The following EXOC2 variants were observed in gnomAD, a reference collection of about 807,000 sequenced individuals.
The protein encoded by EXOC2 is SEC5-like 1.
Under a neutral mutation model 131.8 loss-of-function variants are expected in EXOC2, and 70 were observed. The ratio of observed to expected loss-of-function variants is 0.53; its 90% CI spans 0.44 to 0.65. EXOC2 has a LOEUF of 0.65. EXOC2 is among the 30% of genes least tolerant of loss of function. The probability of loss-of-function intolerance (pLI) is 0.00; values close to 1 mark genes in which losing one functional copy is unlikely to be tolerated. For missense variants in EXOC2, 923 were observed against 1,108.6 expected, an observed-to-expected ratio of 0.83 and a Z score of 2.38; for synonymous variants, 411 against 398.4, an observed-to-expected ratio of 1.03 and a Z score of -0.38.
In EXOC2 at chr6:633,099, T is replaced by C. The variant is rs777312033; in HGVS notation, c.137A>G (p.His46Arg). The C allele has an allele frequency of 6.8e-6, 11 of 1,613,268 alleles. No homozygotes were observed. The Admixed American group carries it at 8.3e-5, about 12-fold the overall frequency. ...CCATTCTGCCGTCAGGAGGCAATTA[T>C]GTCCACAAATGGTCAAGCCTGAAAA... ...TDLIGLTICGHNCLLTAEWMS... is the reference protein window; with the variant it reads ...TDLIGLTICGRNCLLTAEWMS... Residue 46 changes from histidine to arginine, a missense_variant, in exon 3 of 28, where the codon CAT becomes CGT. His to Arg is a conservative substitution (Grantham distance 29). Coordinates refer to ENST00000230449, the MANE Select transcript of EXOC2 (RefSeq NM_018303.6).
intron 1 of EXOC2, chr6:656,990 G>C: frequency 1.4e-6 from 2 of 1,451,752 alleles, no homozygotes; most frequent in South Asian, 2.8e-5. Flanking sequence ...GGGATTCCGC[G>C]TGCCACAAGC....
intron 7 of EXOC2, among the ~76,000 whole-genome samples, chr6:609,151 T>C (rs1760583906): frequency 1.3e-5 from 2 of 152,210 alleles, no homozygotes; most frequent in African/African-American, 4.8e-5. Flanking sequence ...CTTTTAGGGA[T>C]CACTCAGGTT....
chr6:562,942 T>C, intron 16 of EXOC2, 97 bp from the exon 17 acceptor site: 1 of 843,498 alleles, frequency 1.2e-6, no homozygotes, highest in East Asian at 3.0e-5. Context: ...TTCATTGTTT[T>C]ATATAGGTTT....
chr6:645,639 T>C (rs192494337), intron 1 of EXOC2, among the ~76,000 whole-genome samples: 1 of 152,298 alleles, frequency 6.6e-6, no homozygotes, highest in Non-Finnish European at 1.5e-5. Context: ...TAAAGGCAGA[T>C]ATATGAACTC....
chr6:540,373 A>T (rs1244553881), intron 22 of EXOC2, among the ~76,000 whole-genome samples: 1 of 152,250 alleles, frequency 6.6e-6, no homozygotes, highest in Non-Finnish European at 1.5e-5. Context: ...CTATCTATAC[A>T]GAATAATCGG....
At chr6:549,120 T>C (rs1048513018) in intron 22 of EXOC2, 55 bp downstream of exon 22, 3 of 1,461,854 alleles carry the variant, frequency 2.1e-6, no homozygotes, top group Non-Finnish European at 2.9e-6. Flanking sequence ...GGAAACAGCT[T>C]GAAAACTGAG....
intron 1 of EXOC2, among the ~76,000 whole-genome samples, chr6:651,722 G>C (rs765989338): frequency 3.3e-5 from 5 of 151,540 alleles, no homozygotes; most frequent in African/African-American, 9.7e-5. Context: ...GTGCTCATGA[G>C]GGCAGAAGAT....
intron 1 of EXOC2, among the ~76,000 whole-genome samples, chr6:678,182 C>T (rs986231753): frequency 2.6e-5 from 4 of 152,150 alleles, no homozygotes; most frequent in Non-Finnish European, 4.4e-5. Flanking sequence ...ACACTTTTGC[C>T]AGACAAATCA....
intron 1 of EXOC2, among the ~76,000 whole-genome samples, chr6:682,404 G>C (rs879385479): frequency 4.6e-5 from 7 of 151,976 alleles, no homozygotes; most frequent in Non-Finnish European, 8.8e-5. Flanking sequence ...GTTTCTCTGT[G>C]TTAGCCAGGA....
chr6:651,276 T>C (rs914391926), intron 1 of EXOC2, among the ~76,000 whole-genome samples: 3 of 152,010 alleles, frequency 2.0e-5, no homozygotes, highest in Non-Finnish European at 4.4e-5. Flanking sequence ...CTTGTGATCC[T>C]CCTGCCTCGG....
intron 1 of EXOC2, chr6:656,730 G>A (rs1185333670): frequency 1.5e-5 from 24 of 1,594,264 alleles, no homozygotes; most frequent in Non-Finnish European, 1.9e-5. Flanking sequence ...GAGATCTTCC[G>A]AGACACCTTC....
chr6:668,568 C>T (rs1763718649), intron 1 of EXOC2, among the ~76,000 whole-genome samples: 1 of 152,166 alleles, frequency 6.6e-6, no homozygotes, highest in Admixed American at 6.5e-5. Flanking sequence ...TACACCTTCC[C>T]TCACCTCACT....
At chr6:691,753 C>T (rs1251457811) in intron 1 of EXOC2, among the ~76,000 whole-genome samples, 1 of 152,188 alleles carries the variant, frequency 6.6e-6, no homozygotes, top group Non-Finnish European at 1.5e-5. Flanking sequence ...GCATTCAATA[C>T]AGGAAATTAA....
chr6:489,303 G>A (rs1215352118), intron 26 of EXOC2, among the ~76,000 whole-genome samples: 2 of 152,218 alleles, frequency 1.3e-5, no homozygotes, highest in African/African-American at 4.8e-5. Context: ...AAACATCTTC[G>A]AAAGGATGCT....
Position 486,324 on chromosome 6 carries a change from A to C in EXOC2, c.*347T>G, listed in dbSNP as rs1187790921. The C allele has an allele frequency of 4.8e-6, 1 of 208,304 alleles. No homozygotes were observed. Among genetic ancestry groups the C allele is most frequent in the Non-Finnish European group, 9.6e-6 (1 of 104,092 alleles). 12.9% of individuals were successfully genotyped at this position (208,304 alleles called of 1,614,324 possible). On this transcript the variant is annotated 3_prime_UTR_variant, in exon 28 of 28. Transcript: ENST00000230449. The stretch of plus-strand genomic sequence containing the variant: ...CTGCCTGCGCTTCCGTGAACGGGAC[A>C]CTGAGAAATGCTTCAATATGTGCCA...
intron 24 of EXOC2, among the ~76,000 whole-genome samples, chr6:498,955 G>C (rs1376681615): frequency 2.0e-5 from 3 of 152,186 alleles, no homozygotes; most frequent in Admixed American, 6.5e-5. Flanking sequence ...TGAAATGACT[G>C]AATGAAAACA....
intron 7 of EXOC2, among the ~76,000 whole-genome samples, chr6:603,541 A>C (rs1196616743): frequency 3.3e-5 from 5 of 152,132 alleles, no homozygotes; most frequent in African/African-American, 9.7e-5. Context: ...GCTTGAAACC[A>C]ACCCCAATGG....
At chr6:629,218 C>CTATACTCAGTATACAATTCCA (rs1761725789) in intron 4 of EXOC2, among the ~76,000 whole-genome samples, 1 of 152,160 alleles carries the variant, frequency 6.6e-6, no homozygotes, top group African/African-American at 2.4e-5. Flanking sequence ...AGCAGAAGCA[C>CTATACTCAGTATACAATTCCA]TAAGGCCAGA....
intron 1 of EXOC2, among the ~76,000 whole-genome samples, chr6:664,223 T>C (rs1415413495): frequency 6.6e-6 from 1 of 152,102 alleles, no homozygotes; most frequent in Non-Finnish European, 1.5e-5. Context: ...CTTAGGAATA[T>C]ACCTAACCAA....
Sources: gnomAD v4.1 joint callset for allele counts (sites outside exome capture counted in the v4.1 genomes callset) on GRCh38, gnomAD v4.1.1 for gene constraint, MANE v1.5 for transcripts, NCBI Gene and HGNC (gene_info 2026-07-23, HGNC 2026-07-21) for gene names.